Variants in ATRNL1 observed in about 807,000 individuals in gnomAD.
The protein encoded by ATRNL1 is attractin-like protein 1.
ATRNL1 carries 95 observed loss-of-function variants against 182.7 expected under a neutral mutation model. That is an observed-to-expected ratio of 0.52 (90% CI 0.44 to 0.62). ATRNL1 has a LOEUF of 0.62. ATRNL1 is among the 20% of genes least tolerant of loss of function. The probability of loss-of-function intolerance (pLI) is 0.00; values close to 1 mark genes in which losing one functional copy is unlikely to be tolerated. For synonymous variants in ATRNL1, 576 were observed against 568.3 expected, an observed-to-expected ratio of 1.01 and a Z score of -0.19; for missense variants, 1,471 against 1,679.5, an observed-to-expected ratio of 0.88 and a Z score of 2.17.
intron 18 of ATRNL1, among the ~76,000 whole-genome samples, chr10:115,323,999 G>A (rs1212517303): frequency 1.4e-5 from 2 of 146,816 alleles, no homozygotes; most frequent in African/African-American, 2.5e-5. Context: ...GGATGGTCTC[G>A]ATCTCCTGAC....
At chr10:115,573,311 TCA>T (rs1237968990) in intron 26 of ATRNL1, among the ~76,000 whole-genome samples, 1 of 152,062 alleles carries the variant, frequency 6.6e-6, no homozygotes, top group Non-Finnish European at 1.5e-5. Context: ...CAAATTCTTC[TCA>T]GTGTTCAGAT....
chr10:115,847,963 A>G lies in ATRNL1; in HGVS notation c.3990A>G (p.Ser1330=). ...TGTTTCTTTGTCTACCACGAGGATC[A>G]TCAGGTGCCCCTCCCCCTGGGCAGT... ...LTVFLCLPRG[S]SGAPPPGQSG... is the part of the protein sequence containing the mutation. The change falls in exon 28 of 29, where the codon TCA becomes TCG. Residue 1330 remains serine (S), a synonymous_variant. Transcript: ENST00000355044. The G allele has an allele frequency of 6.2e-7, 1 of 1,611,136 alleles. No individual in the cohort carries two copies. Among genetic ancestry groups the G allele is most frequent in the Non-Finnish European group, 8.5e-7 (1 of 1,177,586 alleles).
At chr10:115,199,316 C>G (rs1221038572) in intron 8 of ATRNL1, among the ~76,000 whole-genome samples, 1 of 151,738 alleles carries the variant, frequency 6.6e-6, no homozygotes, top group African/African-American at 2.4e-5. Flanking sequence ...TCCTGTAATC[C>G]CAGCACTTTG....
At chr10:115,534,530 C>A (rs1196743164) in intron 25 of ATRNL1, among the ~76,000 whole-genome samples, 3 of 152,268 alleles carry the variant, frequency 2.0e-5, no homozygotes, top group Admixed American at 2.0e-4. Flanking sequence ...CTGAATACAG[C>A]ACAACTGTAT....
intron 28 of ATRNL1, among the ~76,000 whole-genome samples, chr10:115,927,675 T>C (rs782098623): frequency 6.6e-6 from 1 of 152,136 alleles, no homozygotes; most frequent in Non-Finnish European, 1.5e-5. Flanking sequence ...TAAATGCTTC[T>C]TTATCCAAAC....
At chr10:115,536,069 C>G (rs1310400061) in intron 25 of ATRNL1, among the ~76,000 whole-genome samples, 3 of 151,772 alleles carry the variant, frequency 2.0e-5, no homozygotes, top group African/African-American at 7.3e-5. Context: ...GTCAGGGACC[C>G]ACTTGAGGAG....
chr10:115,857,823 AGG>A (rs1555102475), intron 28 of ATRNL1, among the ~76,000 whole-genome samples: 3 of 152,234 alleles, frequency 2.0e-5, no homozygotes, highest in African/African-American at 7.2e-5. Flanking sequence ...ATGACAAATC[AGG>A]ATTCATGGAA....
At chr10:115,217,302 G>T (rs1432182762) in intron 9 of ATRNL1, among the ~76,000 whole-genome samples, 1 of 152,034 alleles carries the variant, frequency 6.6e-6, no homozygotes, top group African/African-American at 2.4e-5. Context: ...TGGTAAGCCT[G>T]GTCTTGAACT....
At chr10:115,573,768 A>G (rs148663637) in intron 26 of ATRNL1, among the ~76,000 whole-genome samples, 1 of 152,314 alleles carries the variant, frequency 6.6e-6, no homozygotes, top group East Asian at 1.9e-4. Flanking sequence ...CATTTGAGCT[A>G]TCAAGAATAT....
At chr10:115,643,272 A>G (rs1305747634) in intron 26 of ATRNL1, among the ~76,000 whole-genome samples, 2 of 152,220 alleles carry the variant, frequency 1.3e-5, no homozygotes, top group Non-Finnish European at 2.9e-5. Flanking sequence ...GGGTATAAAT[A>G]TGCAAAAAAT....
chr10:115,098,455 T>C (rs1179348988), intron 1 of ATRNL1, among the ~76,000 whole-genome samples: 1 of 12,674 alleles, frequency 7.9e-5, no homozygotes, highest in Non-Finnish European at 2.9e-4. Flanking sequence ...ACTAGTTTCT[T>C]TTTTTTTTTT....
intron 26 of ATRNL1, among the ~76,000 whole-genome samples, chr10:115,617,300 G>A (rs991234901): frequency 4.6e-5 from 7 of 152,152 alleles, no homozygotes; most frequent in Non-Finnish European, 7.3e-5. Flanking sequence ...ACTGGAATGC[G>A]AGTATTTAGT....
intron 8 of ATRNL1, among the ~76,000 whole-genome samples, chr10:115,189,975 C>T (rs1272455730): frequency 1.3e-5 from 2 of 152,084 alleles, no homozygotes; most frequent in Non-Finnish European, 2.9e-5. Flanking sequence ...TGTTTAGATA[C>T]ACAAATACCG....
intron 13 of ATRNL1, among the ~76,000 whole-genome samples, chr10:115,275,053 A>G (rs1473997997): frequency 4.6e-5 from 7 of 152,178 alleles, no homozygotes; most frequent in Non-Finnish European, 7.3e-5. Flanking sequence ...CCCTCCAGGA[A>G]TGGAGTATTG....
intron 26 of ATRNL1, among the ~76,000 whole-genome samples, chr10:115,628,775 T>C (rs1405656469): frequency 6.6e-6 from 1 of 152,192 alleles, no homozygotes; most frequent in African/African-American, 2.4e-5. Context: ...AACTTCATTC[T>C]ATTTTTGCAA....
At position 115,879,062 on chromosome 10, in the gene ATRNL1, T is replaced by C. The variant is rs552406686; in HGVS notation, c.4018+31071T>C. ...GTGCATTCACATACTCATTTAAATATTACAGCACCCCCCCAGGGGATACAC... is the reference window on the plus strand; with the variant it reads ...GTGCATTCACATACTCATTTAAATACTACAGCACCCCCCCAGGGGATACAC... On this transcript the variant is annotated intron_variant, in intron 28 of 28. Transcript: ENST00000355044. Among the ~76,000 whole-genome samples, 82 of 8,844 alleles carry C rather than the reference T, an allele frequency of 9.3e-3. 1 individual carries two copies. The South Asian group carries it at 0.2, about 21-fold the overall frequency. 5.8% of individuals were successfully genotyped at this position (8,844 alleles called of 152,430 possible).
At chr10:115,115,246 G>C (rs1474378733) in intron 1 of ATRNL1, among the ~76,000 whole-genome samples, 12 of 151,990 alleles carry the variant, frequency 7.9e-5, no homozygotes, top group Admixed American at 7.9e-4. Context: ...AGTTGGGCAG[G>C]GAAAAGAAAA....
In ATRNL1 at chr10:115,854,142, G is replaced by A. The variant is rs548168163; in HGVS notation, c.4018+6151G>A. On this transcript the variant is annotated intron_variant, in intron 28 of 28. Coordinates refer to ENST00000355044, the MANE Select transcript of ATRNL1 (RefSeq NM_207303.4). ...AAATAAACTCATACTTACAAGTTGT[G>A]TTAAAGTGCTATGAACAAAGAATAG... Among the ~76,000 whole-genome samples the A allele has an allele frequency of 6.6e-5, 10 of 152,312 alleles. No homozygotes were observed. In the East Asian group the frequency reaches 1.9e-3, roughly 29 times the overall value.
chr10:115,609,058 A>T (rs972908091), intron 26 of ATRNL1, among the ~76,000 whole-genome samples: 5 of 152,054 alleles, frequency 3.3e-5, no homozygotes, highest in African/African-American at 1.2e-4. Flanking sequence ...TAAATAAAAT[A>T]TTATAAGTTA....
Sources: gnomAD v4.1 joint callset for allele counts (sites outside exome capture counted in the v4.1 genomes callset) on GRCh38, gnomAD v4.1.1 for gene constraint, MANE v1.5 for transcripts, NCBI Gene and HGNC (gene_info 2026-07-23, HGNC 2026-07-21) for gene names.